Variants in MEIS2 observed in about 807,000 individuals in gnomAD.
The protein encoded by MEIS2 is homeobox protein Meis2.
Under a neutral mutation model 58.6 loss-of-function variants are expected in MEIS2, and 9 were observed. The observed-to-expected ratio is 0.15, with a 90% CI of 0.09 to 0.27. The LOEUF (loss-of-function observed/expected upper bound fraction) is 0.27. Ranked by LOEUF, MEIS2 falls within the 10% of genes least tolerant of loss-of-function variation. The pLI is 1.00. For synonymous variants in MEIS2, 221 were observed against 228.4 expected (o/e 0.97, Z 0.29); for missense variants, 427 against 635.0 (o/e 0.67, Z 3.52).
At chr15:36,913,205 GT>G (rs2057124693) in intron 9 of MEIS2, among the ~76,000 whole-genome samples, 1 of 152,176 alleles carries the variant, frequency 6.6e-6, no homozygotes, top group African/African-American at 2.4e-5. Context: ...TCAGTCTCCT[GT>G]TTAGAGTGGA....
At chr15:36,892,535 G>C in intron 11 of MEIS2, 76 bp from the exon 12 acceptor site, 294 of 509,708 alleles carry the variant, frequency 5.8e-4, no homozygotes, top group Middle Eastern at 2.2e-3. Flanking sequence ...AAGATGAAAA[G>C]AAAAAAAAAA....
Position 36,892,027 on chromosome 15 carries a change from C to T in MEIS2, c.*146G>A, listed in dbSNP as rs1567012815. On this transcript the variant is annotated 3_prime_UTR_variant, in exon 12 of 12. Coordinates refer to ENST00000561208, the MANE Select transcript of MEIS2 (RefSeq NM_170675.5). ...ACATTTGTGTTCTTGTTGCATTGGT[C>T]CTCTGTTGCTTGATGAAAAATGACA... The T allele has an allele frequency of 9.7e-6, 8 of 828,332 alleles. No individual in the cohort carries two copies. The East Asian group carries it at 1.5e-4, about 15-fold the overall frequency. The allele number at this position is 828,332 out of a possible 1,614,324, so 51.3% of individuals were successfully genotyped here.
chr15:37,036,742 C>T, intron 8 of MEIS2, 72 bp downstream of exon 8: 1 of 1,439,946 alleles, frequency 6.9e-7, no homozygotes, highest in Non-Finnish European at 9.2e-7. Context: ...AAAAAAAAAT[C>T]AGTATGAGAC....
At chr15:37,092,631 T>C (rs1228688134) in intron 6 of MEIS2, among the ~76,000 whole-genome samples, 1 of 148,764 alleles carries the variant, frequency 6.7e-6, no homozygotes, top group African/African-American at 2.5e-5. Context: ...ACTCTTGCCT[T>C]TCCTACCAGC....
chr15:37,063,846 A>G (rs1477115180), intron 7 of MEIS2, among the ~76,000 whole-genome samples: 2 of 152,226 alleles, frequency 1.3e-5, no homozygotes, highest in Non-Finnish European at 2.9e-5. Flanking sequence ...ATGACACTAT[A>G]AAGAAGCCAT....
At chr15:37,032,274 T>C (rs983366376) in intron 8 of MEIS2, among the ~76,000 whole-genome samples, 5 of 152,146 alleles carry the variant, frequency 3.3e-5, no homozygotes, top group African/African-American at 9.7e-5. Context: ...TTCTAGTCCA[T>C]GATCAAATAT....
intron 9 of MEIS2, among the ~76,000 whole-genome samples, chr15:36,911,422 T>A (rs2057019021): frequency 2.6e-5 from 4 of 152,100 alleles, no homozygotes; most frequent in Admixed American, 2.6e-4. Flanking sequence ...GTCTGTTACA[T>A]GTGTTGGAGA....
rs148721811 is a variant in MEIS2 at position 37,023,234 on chromosome 15, A to G, written c.900+13580T>C. 3.4e-4 allele frequency among the ~76,000 whole-genome samples: 52 copies of G among 152,332 alleles called. 1 individual carries two copies. In the East Asian group the frequency reaches 9.8e-3, roughly 29 times the overall value. On this transcript the variant is annotated intron_variant, in intron 8 of 11. Transcript: ENST00000561208. ...TCTACTTCAAAAAACTCTTAAATGT[A>G]TATTTTGATGAAGACTACTGATGAT... is the stretch of plus-strand genomic sequence containing the variant.
At chr15:37,033,029 T>G (rs965932073) in intron 8 of MEIS2, among the ~76,000 whole-genome samples, 1 of 152,208 alleles carries the variant, frequency 6.6e-6, no homozygotes, top group Non-Finnish European at 1.5e-5. Context: ...TTTTAACTGT[T>G]ACAGTTGGAG....
chr15:37,038,600 C>G (rs1165892361), intron 7 of MEIS2, among the ~76,000 whole-genome samples: 1 of 152,248 alleles, frequency 6.6e-6, no homozygotes, highest in Non-Finnish European at 1.5e-5. Flanking sequence ...CAGCTCCCTT[C>G]CATCTGCCCA....
chr15:36,982,641 G>C (rs906130930), intron 8 of MEIS2, among the ~76,000 whole-genome samples: 1 of 152,100 alleles, frequency 6.6e-6, no homozygotes, highest in Non-Finnish European at 1.5e-5. Context: ...TTGACATACT[G>C]ATTTCATTTC....
intron 8 of MEIS2, among the ~76,000 whole-genome samples, chr15:37,013,611 T>C (rs1449311075): frequency 6.8e-6 from 1 of 147,826 alleles, no homozygotes; most frequent in East Asian, 2.0e-4. Context: ...ATTGCTAATA[T>C]ATTACATATA....
intron 7 of MEIS2, among the ~76,000 whole-genome samples, chr15:37,068,429 A>T (rs1890249721): frequency 6.6e-6 from 1 of 152,212 alleles, no homozygotes; most frequent in Non-Finnish European, 1.5e-5. Context: ...CTAATGAGGA[A>T]CGAAACCCTA....
At chr15:36,894,080 A>C (rs886340069) in intron 11 of MEIS2, among the ~76,000 whole-genome samples, 1 of 152,152 alleles carries the variant, frequency 6.6e-6, no homozygotes, top group African/African-American at 2.4e-5. Context: ...CTTCATATTC[A>C]GTTGCTCCTA....
intron 8 of MEIS2, among the ~76,000 whole-genome samples, chr15:37,010,706 A>G (rs553624010): frequency 2.1e-4 from 32 of 152,340 alleles, no homozygotes; most frequent in Admixed American, 2.0e-3. Context: ...TGAATCTCCA[A>G]AGCTCCTTAG....
intron 7 of MEIS2, chr15:37,051,038 T>C (rs750700798): frequency 6.6e-6 from 1 of 152,118 alleles, no homozygotes; most frequent in Admixed American, 6.6e-5. Flanking sequence ...ACCTGACAGG[T>C]TAACCATAAA....
chr15:37,049,795 T>A (rs898346899), intron 7 of MEIS2, among the ~76,000 whole-genome samples: 2 of 151,932 alleles, frequency 1.3e-5, no homozygotes, highest in African/African-American at 4.8e-5. Flanking sequence ...CCTTTTTTTT[T>A]TTTTTAAGAC....
chr15:36,963,476 G>A (rs1208365873), intron 8 of MEIS2, among the ~76,000 whole-genome samples: 3 of 152,024 alleles, frequency 2.0e-5, no homozygotes, highest in Non-Finnish European at 4.4e-5. Flanking sequence ...GTCTGACCTA[G>A]CAGAAACTAA....
At chr15:37,089,288 T>G (rs1372167145) in intron 6 of MEIS2, among the ~76,000 whole-genome samples, 2 of 152,190 alleles carry the variant, frequency 1.3e-5, no homozygotes, top group Non-Finnish European at 2.9e-5. Context: ...ATTTCCCCCT[T>G]GATATTCTAT....
Sources: gnomAD v4.1 joint callset for allele counts (sites outside exome capture counted in the v4.1 genomes callset) on GRCh38, gnomAD v4.1.1 for gene constraint, MANE v1.5 for transcripts, NCBI Gene and HGNC (gene_info 2026-07-23, HGNC 2026-07-21) for gene names.